The following GALNT13 variants were observed in gnomAD, a reference collection of about 807,000 sequenced individuals.
The protein encoded by GALNT13 is UDP-GalNAc:polypeptide N-acetylgalactosaminyltransferase 13.
Under a neutral mutation model 64.2 loss-of-function variants are expected in GALNT13, and 28 were observed. The ratio of observed to expected loss-of-function variants is 0.44; its 90% CI spans 0.32 to 0.60. The LOEUF is 0.60. Among genes scored for constraint, GALNT13 ranks in the 20% least tolerant of loss-of-function variants. The pLI, the probability that GALNT13 is intolerant of heterozygous loss-of-function variation, is 0.05. For synonymous variants in GALNT13, 214 were observed against 224.6 expected, an observed-to-expected ratio of 0.95 and a Z score of 0.42; for missense variants, 577 against 669.8, an observed-to-expected ratio of 0.86 and a Z score of 1.53.
chr2:154,450,596 T>C lies in GALNT13; in HGVS notation c.*45T>C, dbSNP rs768083748. ...ATGAAAGTGTCTACGCTTTTGTTTTTCCATTATTTCAATTGGGGGAAAATA... is the reference window on the plus strand; with the variant it reads ...ATGAAAGTGTCTACGCTTTTGTTTTCCCATTATTTCAATTGGGGGAAAATA... On this transcript the variant is annotated 3_prime_UTR_variant, in exon 13 of 13. Transcript: ENST00000392825. 1.3e-6 allele frequency: 2 copies of C among 1,483,988 alleles called. No individual in the cohort carries two copies. Among genetic ancestry groups the C allele is most frequent in the East Asian group, 2.4e-5 (1 of 41,838 alleles). 91.9% of individuals were successfully genotyped at this position (1,483,988 alleles called of 1,614,324 possible). A position where few individuals can be genotyped will look rare whatever the true frequency, so the allele number is the denominator to read the frequency against.
the GALNT13 span, among the ~76,000 whole-genome samples, chr2:153,543,190 A>G: frequency 5.3e-5 from 8 of 152,180 alleles, no homozygotes; most frequent in African/African-American, 1.9e-4. Flanking sequence ...ATACCCATAT[A>G]TAAGATTGGT....
chr2:153,618,995 T>G, the GALNT13 span, among the ~76,000 whole-genome samples: 8 of 152,026 alleles, frequency 5.3e-5, no homozygotes, highest in Non-Finnish European at 1.2e-4. Flanking sequence ...TGTCTTTTGA[T>G]TGGAGAGTTT....
chr2:153,224,794 T>C, the GALNT13 span, among the ~76,000 whole-genome samples: 1 of 152,206 alleles, frequency 6.6e-6, no homozygotes, highest in Non-Finnish European at 1.5e-5. Flanking sequence ...CTGATATTTA[T>C]AAAAGGAGAA....
At chr2:153,715,940 GAC>G in the GALNT13 span, among the ~76,000 whole-genome samples, 1 of 151,854 alleles carries the variant, frequency 6.6e-6, no homozygotes. Flanking sequence ...AGAGGGCCAG[GAC>G]ACAGTTTTCT....
At chr2:153,908,968 A>G (rs1177180823) in intron 2 of GALNT13, among the ~76,000 whole-genome samples, 1 of 152,080 alleles carries the variant, frequency 6.6e-6, no homozygotes, top group East Asian at 1.9e-4. Flanking sequence ...CATTGAATCT[A>G]TAAATTGCTT....
chr2:153,496,862 T>C, the GALNT13 span, among the ~76,000 whole-genome samples: 1 of 151,496 alleles, frequency 6.6e-6, no homozygotes, highest in African/African-American at 2.4e-5. Flanking sequence ...GGTGTGGTGG[T>C]GCACGCCTGT....
chr2:153,466,228 CCT>C, the GALNT13 span, among the ~76,000 whole-genome samples: 7 of 151,960 alleles, frequency 4.6e-5, no homozygotes, highest in African/African-American at 1.4e-4. Context: ...AGACTTGAAT[CCT>C]CTGTTTATAG....
At chr2:153,715,402 A>C in the GALNT13 span, among the ~76,000 whole-genome samples, 1 of 152,180 alleles carries the variant, frequency 6.6e-6, no homozygotes, top group Non-Finnish European at 1.5e-5. Context: ...GAGGGTTTCA[A>C]CTGGCTTTGG....
At chr2:153,333,480 C>T in the GALNT13 span, among the ~76,000 whole-genome samples, 933 of 152,166 alleles carry the variant, frequency 6.1e-3, 12 homozygotes, top group African/African-American at 0.021. Flanking sequence ...TTTCCATTTT[C>T]CTTCTTGATT....
At chr2:153,887,659 C>A (rs1687277692) in intron 1 of GALNT13, among the ~76,000 whole-genome samples, 1 of 151,928 alleles carries the variant, frequency 6.6e-6, no homozygotes, top group Admixed American at 6.6e-5. Context: ...TAGCTGAGAA[C>A]AAGGTTGATA....
At chr2:153,783,676 A>T in the GALNT13 span, among the ~76,000 whole-genome samples, 2 of 152,224 alleles carry the variant, frequency 1.3e-5, no homozygotes, top group East Asian at 1.9e-4. Flanking sequence ...GGTGGAGATA[A>T]TTCTATCATG....
chr2:153,840,950 T>G, the GALNT13 span, among the ~76,000 whole-genome samples: 1 of 150,842 alleles, frequency 6.6e-6, no homozygotes, highest in African/African-American at 2.4e-5. Context: ...TTTGGGTATG[T>G]AACCTTCGAA....
chr2:153,193,870 A>G, the GALNT13 span, among the ~76,000 whole-genome samples: 3 of 152,132 alleles, frequency 2.0e-5, no homozygotes, highest in Non-Finnish European at 2.9e-5. Flanking sequence ...GTTGAGTTAC[A>G]GTATTGCTGC....
the GALNT13 span, among the ~76,000 whole-genome samples, chr2:153,096,202 T>C: frequency 6.6e-6 from 1 of 152,174 alleles, no homozygotes. Context: ...TCTAGTCTTA[T>C]TCCACTGTGG....
At chr2:153,830,518 C>T in the GALNT13 span, among the ~76,000 whole-genome samples, 1 of 151,922 alleles carries the variant, frequency 6.6e-6, no homozygotes, top group Non-Finnish European at 1.5e-5. Flanking sequence ...AGTAGTATTG[C>T]CTTTGTCAAT....
chr2:154,163,640 A>G (rs17202144), intron 4 of GALNT13, among the ~76,000 whole-genome samples: 27,774 of 152,112 alleles, frequency 0.18, 3,332 homozygotes, highest in Non-Finnish European at 0.26. Flanking sequence ...ATTCTTTAGC[A>G]TAATCAGAAT....
At chr2:153,582,644 G>T in the GALNT13 span, among the ~76,000 whole-genome samples, 2 of 152,036 alleles carry the variant, frequency 1.3e-5, no homozygotes, top group African/African-American at 2.4e-5. Flanking sequence ...AATTATGGTT[G>T]CTTCTTTGAA....
At chr2:153,728,027 GGATGATGGC>G in the GALNT13 span, among the ~76,000 whole-genome samples, 1 of 152,118 alleles carries the variant, frequency 6.6e-6, no homozygotes, top group African/African-American at 2.4e-5. Context: ...AGTTTGCTGA[GGATGATGGC>G]TTCCAGCTTC....
At chr2:154,356,877 AGTT>A (rs1473767250) in intron 9 of GALNT13, among the ~76,000 whole-genome samples, 4 of 151,946 alleles carry the variant, frequency 2.6e-5, no homozygotes, top group Non-Finnish European at 4.4e-5. Context: ...TACTACCTAT[AGTT>A]ATTATGTCTT....
Sources: allele counts gnomAD v4.1 joint callset (sites outside exome capture counted in the v4.1 genomes callset), GRCh38; gene constraint gnomAD v4.1.1; transcripts MANE v1.5; gene names NCBI Gene and HGNC (gene_info 2026-07-23, HGNC 2026-07-21).